Variants in KCNT2 observed in about 807,000 individuals in gnomAD.
KCNT2 encodes the protein potassium sodium-activated channel subfamily T member 2.
A neutral mutation model predicts 153.8 loss-of-function variants in KCNT2; 67 were observed. That is an observed-to-expected ratio of 0.44 (90% CI 0.36 to 0.53). The LOEUF is 0.53. KCNT2 is among the 20% of genes least tolerant of loss of function. The probability of loss-of-function intolerance (pLI) is 0.00; values close to 1 mark genes in which losing one functional copy is unlikely to be tolerated. For missense variants in KCNT2, 975 were observed against 1,354.8 expected (o/e 0.72, Z 4.40); for synonymous variants, 500 against 458.8 (o/e 1.09, Z -1.15).
At chr1:196,343,423 C>T (rs950398413) in intron 14 of KCNT2, among the ~76,000 whole-genome samples, 1 of 152,030 alleles carries the variant, frequency 6.6e-6, no homozygotes, top group Non-Finnish European at 1.5e-5. Context: ...CAAAAAAGCA[C>T]ATTTTAGAAG....
intron 23 of KCNT2, among the ~76,000 whole-genome samples, chr1:196,282,859 ATTT>A (rs1659246678): frequency 6.6e-6 from 1 of 152,046 alleles, no homozygotes; most frequent in Non-Finnish European, 1.5e-5. Context: ...TTATTTATTT[ATTT>A]GAGACAGAGT....
At chr1:196,276,172 C>T (rs1457384361) in intron 25 of KCNT2, among the ~76,000 whole-genome samples, 1 of 151,908 alleles carries the variant, frequency 6.6e-6, no homozygotes, top group Non-Finnish European at 1.5e-5. Context: ...ATTCCACTAC[C>T]TTTGCCCTCA....
intron 22 of KCNT2, among the ~76,000 whole-genome samples, chr1:196,300,624 A>G (rs955568471): frequency 3.3e-5 from 5 of 152,126 alleles, no homozygotes; most frequent in African/African-American, 1.2e-4. Flanking sequence ...ATTTATTACC[A>G]TGATACCCCC....
intron 1 of KCNT2, among the ~76,000 whole-genome samples, chr1:196,595,786 C>T (rs1663988648): frequency 6.6e-6 from 1 of 151,850 alleles, no homozygotes; most frequent in Non-Finnish European, 1.5e-5. Flanking sequence ...GTACACCCAT[C>T]ACCTGAGCAG....
intron 1 of KCNT2, among the ~76,000 whole-genome samples, chr1:196,524,526 A>C (rs1653918580): frequency 6.6e-6 from 1 of 152,184 alleles, no homozygotes; most frequent in South Asian, 2.1e-4. Flanking sequence ...TATTTCACTA[A>C]ATACAATGAG....
At chr1:196,540,979 T>C (rs1656279965) in intron 1 of KCNT2, among the ~76,000 whole-genome samples, 1 of 151,856 alleles carries the variant, frequency 6.6e-6, no homozygotes, top group South Asian at 2.1e-4. Flanking sequence ...GGTAGGAGAA[T>C]GGAGTGAACC....
chr1:196,404,099 A>G, intron 12 of KCNT2: 1 of 918,276 alleles, frequency 1.1e-6, no homozygotes, highest in Non-Finnish European at 1.3e-6. Context: ...ATACTAATAG[A>G]TACTAAATCT....
chr1:196,296,824 T>C (rs568115986), intron 22 of KCNT2, among the ~76,000 whole-genome samples: 29 of 152,206 alleles, frequency 1.9e-4, no homozygotes, highest in African/African-American at 6.7e-4. Context: ...ATAAATGTAC[T>C]GTACTCTCTT....
intron 1 of KCNT2, among the ~76,000 whole-genome samples, chr1:196,586,451 A>G (rs764711250): frequency 1.3e-4 from 20 of 152,034 alleles, no homozygotes; most frequent in Non-Finnish European, 2.8e-4. Context: ...TTTTGGGGAA[A>G]ATTTGTTTGA....
At chr1:196,273,231 C>T (rs892114670) in intron 25 of KCNT2, among the ~76,000 whole-genome samples, 1 of 151,592 alleles carries the variant, frequency 6.6e-6, no homozygotes, top group Non-Finnish European at 1.5e-5. Context: ...ACACAAATAT[C>T]GAAACAAATA....
chr1:196,376,249 C>G (rs939675131), intron 13 of KCNT2, among the ~76,000 whole-genome samples: 2 of 151,696 alleles, frequency 1.3e-5, no homozygotes, highest in Non-Finnish European at 2.9e-5. Flanking sequence ...ATTCTTAAGG[C>G]TCAGATATCA....
chr1:196,435,404 G>A (rs1466107106), intron 8 of KCNT2, among the ~76,000 whole-genome samples: 1 of 150,474 alleles, frequency 6.6e-6, no homozygotes, highest in Non-Finnish European at 1.5e-5. Flanking sequence ...ATGAAAAATT[G>A]GGGAATTTGA....
At chr1:196,302,859 G>T (rs1038999139) in intron 22 of KCNT2, among the ~76,000 whole-genome samples, 3 of 151,702 alleles carry the variant, frequency 2.0e-5, no homozygotes, top group Admixed American at 2.0e-4. Flanking sequence ...GTGGATCAAA[G>T]AATTTTCCAC....
chr1:196,564,752 G>A (rs1327669900), intron 1 of KCNT2, among the ~76,000 whole-genome samples: 1 of 151,816 alleles, frequency 6.6e-6, no homozygotes, highest in Non-Finnish European at 1.5e-5. Flanking sequence ...ATGGAGAAAG[G>A]ACAATCTCTT....
intron 1 of KCNT2, among the ~76,000 whole-genome samples, chr1:196,498,077 T>C (rs1680395711): frequency 6.7e-6 from 1 of 150,352 alleles, no homozygotes. Flanking sequence ...ATTTGATACT[T>C]TTTTTTCATT....
intron 1 of KCNT2, among the ~76,000 whole-genome samples, chr1:196,508,263 G>T (rs1681322662): frequency 7.1e-6 from 1 of 141,514 alleles, no homozygotes; most frequent in Admixed American, 7.1e-5. Flanking sequence ...ACAGTATATA[G>T]ATTAAATCAC....
rs867127571 is a variant in KCNT2, at chr1:196,363,079, G to A, written c.1403+10061C>T. 1.4e-4 allele frequency among the ~76,000 whole-genome samples: 22 copies of A among 152,138 alleles called. No homozygotes were observed. The Middle Eastern group carries it at 0.017, about 118-fold the overall frequency. On this transcript the variant is annotated intron_variant, in intron 14 of 27. Transcript: ENST00000294725. ...ATTACTGTAGTGTTTGCCTAATGGT[G>A]ACTTCATATTTTTCTCTTTCCTTCT...
At chr1:196,297,768 C>T (rs1034394055) in intron 22 of KCNT2, among the ~76,000 whole-genome samples, 1 of 152,090 alleles carries the variant, frequency 6.6e-6, no homozygotes, top group Non-Finnish European at 1.5e-5. Context: ...CTCAGCTGTT[C>T]CAGAACCTAG....
chr1:196,416,068 C>G (rs1169944639), intron 12 of KCNT2, among the ~76,000 whole-genome samples: 2 of 151,904 alleles, frequency 1.3e-5, no homozygotes, highest in Non-Finnish European at 2.9e-5. Flanking sequence ...TCCATCCCAC[C>G]CTGTCCCACC....
Sources: gnomAD v4.1 joint callset for allele counts (sites outside exome capture counted in the v4.1 genomes callset) on GRCh38, gnomAD v4.1.1 for gene constraint, MANE v1.5 for transcripts, NCBI Gene and HGNC (gene_info 2026-07-23, HGNC 2026-07-21) for gene names.